The following NUDCD1 variants were observed in gnomAD, a reference collection of about 807,000 sequenced individuals.
The protein encoded by NUDCD1 is nudC domain-containing protein 1.
Under a neutral mutation model 67.8 loss-of-function variants are expected in NUDCD1, and 60 were observed. The observed-to-expected ratio is 0.88, with a 90% CI of 0.72 to 1.10. NUDCD1 has a LOEUF of 1.10. NUDCD1 is among the 50% of genes least tolerant of loss of function. NUDCD1 has a pLI of 0.00. For synonymous variants in NUDCD1, 244 were observed against 230.8 expected, an observed-to-expected ratio of 1.06 and a Z score of -0.52; for missense variants, 643 against 695.0, an observed-to-expected ratio of 0.93 and a Z score of 0.84.
intron 4 of NUDCD1, among the ~76,000 whole-genome samples, chr8:109,290,766 C>CT (rs1206274676): frequency 6.6e-6 from 1 of 152,122 alleles, no homozygotes; most frequent in African/African-American, 2.4e-5. Flanking sequence ...TACTGTTACT[C>CT]TTTAAGTGGG....
At chr8:109,309,980 A>G (rs778404821) in intron 2 of NUDCD1, among the ~76,000 whole-genome samples, 5 of 152,194 alleles carry the variant, frequency 3.3e-5, no homozygotes, top group Middle Eastern at 3.2e-3. Context: ...GAAATCACAG[A>G]TTACACAAAT....
chr8:109,302,693 G>C (rs1815017723), intron 2 of NUDCD1, among the ~76,000 whole-genome samples: 1 of 152,112 alleles, frequency 6.6e-6, no homozygotes, highest in Non-Finnish European at 1.5e-5. Context: ...TTCTTTATAA[G>C]ACATCTCCCA....
rs1484559003 is a variant in NUDCD1 at position 109,241,433 on chromosome 8, G to A, written c.*1576C>T. 6.6e-6 allele frequency: 1 copy of A among 152,034 alleles called. No homozygotes were observed. The highest frequency in any genetic ancestry group is 2.4e-5 in the African/African-American group (1 of 41,408). The allele number at this position is 152,034 out of a possible 1,614,324, so 9.4% of individuals were successfully genotyped here. A position where few individuals can be genotyped will look rare whatever the true frequency, so the allele number is the denominator to read the frequency against. ...CTATTTAAATGGTCTTTTGTTTCAT[G>A]AAGTTTTACAACAATACTAAAAAGT... On this transcript the variant is annotated 3_prime_UTR_variant, in exon 10 of 10. Transcript: ENST00000239690.
rs893370167 is a variant in NUDCD1, at chr8:109,242,854, A to G, written c.*155T>C. The G allele has an allele frequency of 2.4e-5, 11 of 465,158 alleles. No homozygotes were observed. The highest frequency in any genetic ancestry group is 3.8e-5 in the Non-Finnish European group (10 of 264,714). The allele number at this position is 465,158 out of a possible 1,614,324, so 28.8% of individuals were successfully genotyped here. The stretch of plus-strand genomic sequence containing the variant: ...CATTCCACAGCTTTACAGAATCATA[A>G]TCTCTTGAATATATTTCCAATGTTA... On this transcript the variant is annotated 3_prime_UTR_variant, in exon 10 of 10. Coordinates refer to ENST00000239690, the MANE Select transcript of NUDCD1 (RefSeq NM_032869.4).
intron 1 of NUDCD1, among the ~76,000 whole-genome samples, chr8:109,327,430 C>T (rs1182947112): frequency 6.6e-6 from 1 of 152,130 alleles, no homozygotes; most frequent in African/African-American, 2.4e-5. Flanking sequence ...AGCTTTTCTT[C>T]CCTCTGCTCT....
At chr8:109,284,004 AAAAC>A (rs1045575478) in intron 5 of NUDCD1, among the ~76,000 whole-genome samples, 2 of 150,870 alleles carry the variant, frequency 1.3e-5, no homozygotes, top group East Asian at 1.9e-4. Flanking sequence ...AAAAAAAAAA[AAAAC>A]AAAACAAAAA....
At chr8:109,259,449 A>G (rs531108814) in intron 8 of NUDCD1, among the ~76,000 whole-genome samples, 6 of 152,356 alleles carry the variant, frequency 3.9e-5, no homozygotes, top group Admixed American at 6.5e-5. Context: ...TCTCAGACCC[A>G]CTGTCATTAT....
At chr8:109,299,432 G>A (rs1814922882) in intron 2 of NUDCD1, among the ~76,000 whole-genome samples, 1 of 152,134 alleles carries the variant, frequency 6.6e-6, no homozygotes, top group Non-Finnish European at 1.5e-5. Context: ...GAGTGAGACA[G>A]GCCCCTCGGA....
chr8:109,266,909 T>C (rs1814016111), intron 8 of NUDCD1, among the ~76,000 whole-genome samples: 1 of 152,186 alleles, frequency 6.6e-6, no homozygotes, highest in Non-Finnish European at 1.5e-5. Flanking sequence ...AAACATATTT[T>C]GGGATATTTG....
intron 8 of NUDCD1, among the ~76,000 whole-genome samples, chr8:109,252,794 A>T (rs1813651184): frequency 6.6e-6 from 1 of 152,186 alleles, no homozygotes; most frequent in Non-Finnish European, 1.5e-5. Context: ...CTGTAAGCTC[A>T]GCTTTCTGAT....
intron 8 of NUDCD1, among the ~76,000 whole-genome samples, chr8:109,258,790 G>T: frequency 6.6e-6 from 1 of 151,986 alleles, no homozygotes; most frequent in East Asian, 1.9e-4. Flanking sequence ...AGAATTTTAA[G>T]AATCAAAAAA....
rs1303678597 is a variant in NUDCD1 at position 109,283,574 on chromosome 8, C to T, written c.824-2402G>A. ...ACATAGGGGAACCCCATTAGGCTAA[C>T]AGCAGACTTCTCAGCAGAAACCTCA... On this transcript the variant is annotated intron_variant, in intron 5 of 9. Transcript: ENST00000239690. Among the ~76,000 whole-genome samples, 4 of 152,188 alleles carry T rather than the reference C, an allele frequency of 2.6e-5. No homozygotes were observed. In the East Asian group the frequency reaches 7.7e-4, roughly 29 times the overall value.
chr8:109,306,827 C>A (rs1024272677), intron 2 of NUDCD1, among the ~76,000 whole-genome samples: 1 of 152,060 alleles, frequency 6.6e-6, no homozygotes, highest in Non-Finnish European at 1.5e-5. Flanking sequence ...TCTAACAACC[C>A]CACAATATCA....
chr8:109,293,909 G>GT (rs1377022661), intron 3 of NUDCD1, among the ~76,000 whole-genome samples: 3 of 151,898 alleles, frequency 2.0e-5, no homozygotes, highest in Admixed American at 1.3e-4. Flanking sequence ...ACCAAAACAT[G>GT]TTTTTTCTCA....
At chr8:109,298,911 G>A (rs138023505) in intron 2 of NUDCD1, 10 of 152,280 alleles carry the variant, frequency 6.6e-5, no homozygotes, top group East Asian at 3.9e-4. Context: ...TACAGGACCC[G>A]GGAGACACCC....
At chr8:109,324,105 GAAAC>G (rs1026961722) in intron 1 of NUDCD1, among the ~76,000 whole-genome samples, 14 of 150,470 alleles carry the variant, frequency 9.3e-5, no homozygotes, top group African/African-American at 2.2e-4. Context: ...CAGAGCAAAA[GAAAC>G]AAACAACCTA....
At position 109,241,153 on chromosome 8, in the gene NUDCD1, C is replaced by T. The variant is rs911469330; in HGVS notation, c.*1856G>A. On this transcript the variant is annotated 3_prime_UTR_variant, in exon 10 of 10. Coordinates refer to ENST00000239690, the MANE Select transcript of NUDCD1 (RefSeq NM_032869.4). The stretch of plus-strand genomic sequence containing the variant: ...GGCTCTAGACCTATTCATCTTTTAA[C>T]GTAGGTCAACATGCGACAATATTTA... The T allele has an allele frequency of 3.3e-5, 5 of 151,994 alleles. No individual in the cohort carries two copies. The highest frequency in any genetic ancestry group is 2.1e-4 in the South Asian group (1 of 4,820). 9.4% of individuals were successfully genotyped at this position (151,994 alleles called of 1,614,324 possible).
intron 5 of NUDCD1, among the ~76,000 whole-genome samples, chr8:109,287,709 T>C (rs1814608210): frequency 6.6e-6 from 1 of 152,166 alleles, no homozygotes; most frequent in South Asian, 2.1e-4. Flanking sequence ...GGATCATTCG[T>C]ACTCCAAATC....
At chr8:109,255,813 T>C (rs541490666) in intron 8 of NUDCD1, among the ~76,000 whole-genome samples, 6 of 152,000 alleles carry the variant, frequency 3.9e-5, no homozygotes, top group African/African-American at 9.6e-5. Context: ...TGAGAAAAGG[T>C]AGAACATTTC....
Sources: gnomAD v4.1 joint callset for allele counts (sites outside exome capture counted in the v4.1 genomes callset) on GRCh38, gnomAD v4.1.1 for gene constraint, MANE v1.5 for transcripts, NCBI Gene and HGNC (gene_info 2026-07-23, HGNC 2026-07-21) for gene names.